The following LALBA variants were observed in gnomAD, a reference collection of about 807,000 sequenced individuals.
LALBA encodes the protein alpha-lactalbumin.
A neutral mutation model predicts 13.4 loss-of-function variants in LALBA; 12 were observed. That is an observed-to-expected ratio of 0.89 (90% confidence interval 0.57 to 1.45). LALBA has a LOEUF of 1.45. Ranked by LOEUF, LALBA falls within the 40% of genes most tolerant of loss-of-function variation. LALBA has a pLI of 0.00. For missense variants in LALBA, 145 were observed against 165.9 expected, an observed-to-expected ratio of 0.87 and a Z score of 0.69; for synonymous variants, 64 against 61.0, an observed-to-expected ratio of 1.05 and a Z score of -0.23.
chr12:48,571,633 C>A (rs1938635311), upstream of LALBA, among the ~76,000 whole-genome samples: 1 of 152,178 alleles, frequency 6.6e-6, no homozygotes, highest in Middle Eastern at 3.4e-3. Flanking sequence ...AATTTGCCTG[C>A]CTGGGCCTCG....
rs751726764 is a variant in LALBA, at chr12:48,568,528, T to C, written c.357A>G (p.Gly119=). ...GAATAAGGATTCACCAGTAGTCAAT[T>C]CCTTTAATATCCAGGATCTTCTTGG... is the stretch of plus-strand genomic sequence containing the variant. ...MCAKKILDIK[G]IDYWLAHKAL... is the part of the protein sequence containing the mutation. The change falls in exon 3 of 4, where the codon GGA becomes GGG. Residue 119 remains glycine (G), a synonymous_variant. Transcript: ENST00000301046. 3 of 1,573,496 alleles carry C rather than the reference T, an allele frequency of 1.9e-6. No homozygotes were observed. The highest frequency in any genetic ancestry group is 3.4e-5 in the Admixed American group (2 of 58,966).
At chr12:48,569,645 G>A (rs369137102) in intron 1 of LALBA, among the ~76,000 whole-genome samples, 1 of 152,046 alleles carries the variant, frequency 6.6e-6, no homozygotes, top group South Asian at 2.1e-4. Context: ...CCGAGGAGGC[G>A]GAGGTTGCAG....
intron 2 of LALBA, among the ~76,000 whole-genome samples, 195 bp downstream of exon 2, chr12:48,568,887 A>G (rs980804396): frequency 1.3e-5 from 2 of 152,224 alleles, no homozygotes; most frequent in Non-Finnish European, 2.9e-5. Context: ...CTGAACCTCA[A>G]GGAACTGTCT....
upstream of LALBA, among the ~76,000 whole-genome samples, chr12:48,570,941 C>T (rs376905656): frequency 3.3e-4 from 49 of 146,950 alleles, no homozygotes; most frequent in Admixed American, 8.3e-4. Flanking sequence ...CACTCCACTG[C>T]ACTCCATCCA....
intron 3 of LALBA, 63 bp downstream of exon 3, chr12:48,568,454 G>A: frequency 1.1e-6 from 1 of 915,760 alleles, no homozygotes; most frequent in Admixed American, 1.8e-5. Context: ...GAGGAAAGGG[G>A]TGCTGGGCTA....
chr12:48,567,921 TG>T lies in LALBA; in HGVS notation c.*35del, dbSNP rs1938587077. The T allele has an allele frequency of 1.9e-6, 3 of 1,543,674 alleles. No homozygotes were observed. The highest frequency in any genetic ancestry group is 2.7e-6 in the Non-Finnish European group (3 of 1,125,970). On this transcript the variant is annotated 3_prime_UTR_variant, in exon 4 of 4. Transcript: ENST00000301046. ...CATTAGGGAAGAGGTATTCCAGGAG[TG>T]TGGAGTGGGCAGGGGTGCCAAGGAC...
Position 48,569,196 on chromosome 12 carries a change from T to C in LALBA, c.178A>G (p.Ile60Val), listed in dbSNP as rs148859740. 1,032 of 1,613,640 alleles carry C rather than the reference T, an allele frequency of 6.4e-4. 4 individuals carry two copies. The highest frequency in any genetic ancestry group is 1.5e-3 in the Middle Eastern group (9 of 6,060). The change falls in exon 2 of 4, where the codon ATA becomes GTA. Residue 60 changes from isoleucine to valine, a missense_variant. Transcript: ENST00000301046. Reference protein sequence around the residue: ...FHTSGYDTQAIVENNESTEYG... With the variant: ...FHTSGYDTQAVVENNESTEYG... ...TCCGTGCTTTCATTGTTTTCAACTA[T>C]GGCTTGTGTGTCATAACCACTGGTG...
At position 48,568,530 on chromosome 12, in the gene LALBA, CT is replaced by C; in HGVS notation, c.354del (p.Gly119GlufsTer108). ...ATAAGGATTCACCAGTAGTCAATTC[CT>C]TTAATATCCAGGATCTTCTTGGCAC... ...IMCAKKILDI[K>X]GIDYWLAHKA... is the part of the protein sequence containing the mutation. On this transcript the variant is annotated frameshift_variant, in exon 3 of 4. Coordinates refer to ENST00000301046, the MANE Select transcript of LALBA (RefSeq NM_002289.3). LOFTEE classifies it high-confidence loss of function. 6.3e-7 allele frequency: 1 copy of C among 1,579,810 alleles called. No individual in the cohort carries two copies. Among genetic ancestry groups the C allele is most frequent in the Non-Finnish European group, 8.7e-7 (1 of 1,150,342 alleles).
intron 2 of LALBA, 78 bp from the exon 3 acceptor site, chr12:48,568,670 G>T: frequency 2.5e-6 from 2 of 807,866 alleles, no homozygotes. Flanking sequence ...CCTAACCCCT[G>T]GATCCAGTGG....
chr12:48,570,882 C>CAGG (rs934496316), upstream of LALBA, among the ~76,000 whole-genome samples: 2 of 150,028 alleles, frequency 1.3e-5, no homozygotes, highest in African/African-American at 2.5e-5. Flanking sequence ...GGGGCTGAGG[C>CAGG]AGGAGGAACA....
chr12:48,569,056 G>C (rs1239700358), intron 2 of LALBA, 26 bp downstream of exon 2: 3 of 1,574,146 alleles, frequency 1.9e-6, no homozygotes, highest in Non-Finnish European at 2.6e-6. Flanking sequence ...GAAAAACAGA[G>C]AAAGAGGGTT....
chr12:48,568,517 C>A lies in LALBA; in HGVS notation c.368G>T (p.Trp123Leu). 6.5e-7 allele frequency: 1 copy of A among 1,527,182 alleles called. No homozygotes were observed. The highest frequency in any genetic ancestry group is 9.1e-7 in the Non-Finnish European group (1 of 1,101,780). The allele number at this position is 1,527,182 out of a possible 1,614,324, so 94.6% of individuals were successfully genotyped here. ...KILDIKGIDY[W>L]LAHKALCTEK... Reference sequence around the variant, plus strand: ...AATAGAAAATAGAATAAGGATTCACCAGTAGTCAATTCCTTTAATATCCAG... The same window carrying A: ...AATAGAAAATAGAATAAGGATTCACAAGTAGTCAATTCCTTTAATATCCAG... The change falls in exon 3 of 4, where the codon TGG (tryptophan) becomes TTG (leucine). Residue 123 changes from tryptophan (W) to leucine (L), a missense_variant and splice_region_variant. Physicochemically the swap from Trp to Leu is moderately conservative, Grantham distance 61. Transcript: ENST00000301046.
Position 48,568,534 on chromosome 12 carries a change from A to T in LALBA, c.351T>A (p.Ile117=). 6.3e-7 allele frequency: 1 copy of T among 1,586,504 alleles called. No homozygotes were observed. The highest frequency in any genetic ancestry group is 8.6e-7 in the Non-Finnish European group (1 of 1,156,694). Residue 117 remains isoleucine (I), a synonymous_variant, in exon 3 of 4, where the codon ATT becomes ATA. Coordinates refer to ENST00000301046, the MANE Select transcript of LALBA (RefSeq NM_002289.3). The part of the protein sequence containing the change: ...DIMCAKKILD[I]KGIDYWLAHK... ...GGATTCACCAGTAGTCAATTCCTTTAATATCCAGGATCTTCTTGGCACACA... is the reference window on the plus strand; with the variant it reads ...GGATTCACCAGTAGTCAATTCCTTTTATATCCAGGATCTTCTTGGCACACA...
Position 48,568,958 on chromosome 12 carries a change from C to G in LALBA, c.292+124G>C. The G allele has an allele frequency of 6.1e-6, 5 of 821,248 alleles. No individual in the cohort carries two copies. The South Asian group carries it at 9.1e-5, about 15-fold the overall frequency. The allele number at this position is 821,248 out of a possible 1,614,324, so 50.9% of individuals were successfully genotyped here. A position where few individuals can be genotyped will look rare whatever the true frequency, so the allele number is the denominator to read the frequency against. On this transcript the variant is annotated intron_variant, in intron 2 of 3. Coordinates refer to ENST00000301046, the MANE Select transcript of LALBA (RefSeq NM_002289.3). Reference sequence around the variant, plus strand: ...CTTACTCAGTACTGCCAATTCAAGTCCCACAATTTTTATAGAGCCCAGCCA... The same window carrying G: ...CTTACTCAGTACTGCCAATTCAAGTGCCACAATTTTTATAGAGCCCAGCCA...
intron 3 of LALBA, 91 bp from the exon 4 acceptor site, chr12:48,568,108 A>T (rs1938589673): frequency 1.0e-6 from 1 of 981,992 alleles, no homozygotes; most frequent in East Asian, 2.6e-5. Flanking sequence ...CGTGGACGAG[A>T]ATTACAGAAA....
upstream of LALBA, among the ~76,000 whole-genome samples, chr12:48,571,510 G>A (rs1033001515): frequency 2.0e-5 from 3 of 147,882 alleles, no homozygotes; most frequent in Non-Finnish European, 4.5e-5. Flanking sequence ...TCAGCCTCCC[G>A]AGTAGCTGGG....
At chr12:48,568,872 T>C (rs551332278) in intron 2 of LALBA, among the ~76,000 whole-genome samples, 1 of 152,330 alleles carries the variant, frequency 6.6e-6, no homozygotes, top group East Asian at 1.9e-4. Flanking sequence ...TCCGATTGTC[T>C]ACCACTGAAC....
intron 2 of LALBA, 70 bp downstream of exon 2, chr12:48,569,012 A>C (rs930925263): frequency 7.4e-7 from 1 of 1,348,996 alleles, no homozygotes; most frequent in Non-Finnish European, 1.0e-6. Flanking sequence ...TCTGCTTGGC[A>C]CTAAAAAGGA....
upstream of LALBA, among the ~76,000 whole-genome samples, chr12:48,571,029 T>C (rs566795025): frequency 6.8e-4 from 101 of 149,094 alleles, no homozygotes; most frequent in African/African-American, 2.4e-3. Context: ...CGAGCTATTA[T>C]CAGATTCCCC....
Sources: gnomAD v4.1 joint callset for allele counts (sites outside exome capture counted in the v4.1 genomes callset) on GRCh38, gnomAD v4.1.1 for gene constraint, MANE v1.5 for transcripts, NCBI Gene and HGNC (gene_info 2026-07-23, HGNC 2026-07-21) for gene names.